Variants in MACROD2 observed in about 807,000 individuals in gnomAD.
The protein encoded by MACROD2 is mono-ADP ribosylhydrolase 2.
A neutral mutation model predicts 70.4 loss-of-function variants in MACROD2; 36 were observed. The ratio of observed to expected loss-of-function variants is 0.51; its 90% CI spans 0.39 to 0.68. The LOEUF (loss-of-function observed/expected upper bound fraction) is 0.68, where lower values mean the gene tolerates loss of function less well. Among genes scored for constraint, MACROD2 ranks in the 30% least tolerant of loss-of-function variants. The pLI, the probability that MACROD2 is intolerant of heterozygous loss-of-function variation, is 0.00. For missense variants in MACROD2, 496 were observed against 538.4 expected (o/e 0.92, Z 0.78); for synonymous variants, 172 against 178.8 (o/e 0.96, Z 0.30).
intron 8 of MACROD2, among the ~76,000 whole-genome samples, chr20:15,737,573 AGC>A (rs1292075562): frequency 1.4e-4 from 21 of 152,224 alleles, no homozygotes; most frequent in Non-Finnish European, 2.5e-4. Flanking sequence ...TCCATTTGTT[AGC>A]TCTTACACCG....
chr20:15,543,226 T>A (rs778591917), intron 8 of MACROD2, among the ~76,000 whole-genome samples: 4 of 152,204 alleles, frequency 2.6e-5, no homozygotes, highest in Non-Finnish European at 5.9e-5. Context: ...TTCAAATGTA[T>A]CAGTTGTGTG....
At chr20:14,757,268 G>GA (rs2071953514) in intron 5 of MACROD2, among the ~76,000 whole-genome samples, 1 of 151,994 alleles carries the variant, frequency 6.6e-6, no homozygotes, top group Non-Finnish European at 1.5e-5. Context: ...ACTTTAAAAG[G>GA]AAATCACTTT....
chr20:14,416,134 T>A (rs2083801913), intron 3 of MACROD2, among the ~76,000 whole-genome samples: 1 of 152,080 alleles, frequency 6.6e-6, no homozygotes, highest in African/African-American at 2.4e-5. Flanking sequence ...AATTTTTGTA[T>A]TTTTAGTAGA....
At chr20:14,249,977 GGAGT>G (rs2081998025) in intron 3 of MACROD2, among the ~76,000 whole-genome samples, 2 of 152,086 alleles carry the variant, frequency 1.3e-5, no homozygotes. Flanking sequence ...CTTTGGAGCA[GGAGT>G]GTAAGATCTC....
At chr20:15,286,206 G>T (rs1053681537) in intron 6 of MACROD2, among the ~76,000 whole-genome samples, 3 of 152,078 alleles carry the variant, frequency 2.0e-5, no homozygotes, top group Non-Finnish European at 4.4e-5. Flanking sequence ...GAGTGTTGTG[G>T]ATTGAAAAGA....
chr20:15,669,824 G>T (rs754285818), intron 8 of MACROD2, among the ~76,000 whole-genome samples: 1 of 152,208 alleles, frequency 6.6e-6, no homozygotes, highest in Non-Finnish European at 1.5e-5. Context: ...GGCACAAAGG[G>T]CAGGTGGGAG....
chr20:14,920,895 G>A (rs963297087), intron 5 of MACROD2, among the ~76,000 whole-genome samples: 7 of 152,016 alleles, frequency 4.6e-5, no homozygotes, highest in Non-Finnish European at 8.8e-5. Context: ...AAAGTCACTT[G>A]GTCTTTAGGT....
intron 3 of MACROD2, among the ~76,000 whole-genome samples, chr20:14,333,139 G>A (rs1004423741): frequency 5.9e-5 from 9 of 152,078 alleles, no homozygotes; most frequent in African/African-American, 2.2e-4. Flanking sequence ...GGTTTGCTGA[G>A]AGGCAGAGAA....
At chr20:14,805,129 A>G (rs1470675389) in intron 5 of MACROD2, among the ~76,000 whole-genome samples, 1 of 151,996 alleles carries the variant, frequency 6.6e-6, no homozygotes, top group African/African-American at 2.4e-5. Context: ...CCAGATTCTC[A>G]AAGGGAAATA....
At chr20:15,670,511 G>A (rs2023386) in intron 8 of MACROD2, among the ~76,000 whole-genome samples, 76,072 of 151,934 alleles carry the variant, frequency 0.5, 19,224 homozygotes, top group African/African-American at 0.56. Context: ...ACTTTTCTAG[G>A]CAAAAACCTC....
At chr20:14,838,297 C>G (rs2073052021) in intron 5 of MACROD2, among the ~76,000 whole-genome samples, 1 of 152,002 alleles carries the variant, frequency 6.6e-6, no homozygotes, top group South Asian at 2.1e-4. Flanking sequence ...TTTACAAGAC[C>G]AGACGATGGT....
chr20:15,805,067 C>A (rs531633902), intron 8 of MACROD2, among the ~76,000 whole-genome samples: 5 of 152,252 alleles, frequency 3.3e-5, no homozygotes, highest in Admixed American at 3.3e-4. Context: ...TTTCAATGTC[C>A]CTACTGGTAA....
At chr20:15,778,493 T>C (rs1203391944) in intron 8 of MACROD2, among the ~76,000 whole-genome samples, 2 of 152,148 alleles carry the variant, frequency 1.3e-5, no homozygotes, top group Admixed American at 6.5e-5. Context: ...GGAACAATTG[T>C]AGCTGCATCG....
chr20:15,630,836 G>A (rs556267511), intron 8 of MACROD2, among the ~76,000 whole-genome samples: 1 of 152,170 alleles, frequency 6.6e-6, no homozygotes, highest in Admixed American at 6.5e-5. Flanking sequence ...CTCAGCCTTG[G>A]TGTGAAGCCT....
intron 6 of MACROD2, among the ~76,000 whole-genome samples, chr20:15,273,931 G>A (rs550735287): frequency 1.3e-5 from 2 of 152,294 alleles, no homozygotes; most frequent in African/African-American, 4.8e-5. Flanking sequence ...ATTGAAGATA[G>A]TATATACCAA....
intron 3 of MACROD2, among the ~76,000 whole-genome samples, chr20:14,273,175 A>C (rs1374492921): frequency 2.0e-5 from 3 of 152,192 alleles, no homozygotes; most frequent in Non-Finnish European, 4.4e-5. Flanking sequence ...CTCCACCCCA[A>C]ATCAACAGAA....
chr20:14,429,343 C>G (rs1462221509), intron 3 of MACROD2, among the ~76,000 whole-genome samples: 1 of 151,740 alleles, frequency 6.6e-6, no homozygotes, highest in East Asian at 1.9e-4. Flanking sequence ...GTTCATGGTC[C>G]TGTTAGGTAA....
chr20:15,857,744 TAGAA>T (rs1388297456), intron 8 of MACROD2, among the ~76,000 whole-genome samples: 1 of 152,156 alleles, frequency 6.6e-6, no homozygotes, highest in African/African-American at 2.4e-5. Flanking sequence ...AACAGAGGCA[TAGAA>T]AGAAAGAAAG....
intron 8 of MACROD2, among the ~76,000 whole-genome samples, chr20:15,570,168 G>C (rs1422603810): frequency 1.3e-5 from 2 of 152,004 alleles, no homozygotes; most frequent in Non-Finnish European, 2.9e-5. Flanking sequence ...GGTGTGCAAG[G>C]GTTTCCTTTT....
Sources: gnomAD v4.1 joint callset for allele counts (sites outside exome capture counted in the v4.1 genomes callset) on GRCh38, gnomAD v4.1.1 for gene constraint, MANE v1.5 for transcripts, NCBI Gene and HGNC (gene_info 2026-07-23, HGNC 2026-07-21) for gene names.